Variants in AGBL4 observed in about 807,000 individuals in gnomAD.
AGBL4 encodes the protein cytosolic carboxypeptidase 6.
In AGBL4, 58 loss-of-function variants were observed where a neutral mutation model predicts 66.4. That is an observed-to-expected ratio of 0.87 (90% CI 0.71 to 1.09). AGBL4 has a LOEUF of 1.09. Ranked by LOEUF, AGBL4 falls within the 50% of genes least tolerant of loss-of-function variation. The probability of loss-of-function intolerance (pLI) is 0.00; values close to 1 mark genes in which losing one functional copy is unlikely to be tolerated. For missense variants in AGBL4, 579 were observed against 631.0 expected (o/e 0.92, Z 0.88); for synonymous variants, 234 against 222.9 (o/e 1.05, Z -0.44).
chr1:49,175,797 G>C (rs1646819796), intron 4 of AGBL4, among the ~76,000 whole-genome samples: 1 of 152,112 alleles, frequency 6.6e-6, no homozygotes, highest in Non-Finnish European at 1.5e-5. Flanking sequence ...AGGTCAAAGA[G>C]AAAGACAGAC....
At chr1:48,985,356 T>A (rs928204412) in intron 5 of AGBL4, among the ~76,000 whole-genome samples, 1 of 151,788 alleles carries the variant, frequency 6.6e-6, no homozygotes, top group Non-Finnish European at 1.5e-5. Flanking sequence ...ACAGAAAAAA[T>A]TAAAGAGCTT....
intron 5 of AGBL4, among the ~76,000 whole-genome samples, chr1:48,897,976 A>T (rs1426726689): frequency 6.6e-6 from 1 of 151,110 alleles, no homozygotes; most frequent in Non-Finnish European, 1.5e-5. Context: ...TACCCGGCTA[A>T]TTTTTTTTGT....
chr1:49,194,086 T>C (rs908779157), intron 4 of AGBL4, among the ~76,000 whole-genome samples: 4 of 152,188 alleles, frequency 2.6e-5, no homozygotes, highest in Non-Finnish European at 5.9e-5. Flanking sequence ...TCTGTCTCAA[T>C]GGTCTGTTTA....
chr1:49,128,059 C>A (rs1645802190), intron 4 of AGBL4, among the ~76,000 whole-genome samples: 1 of 151,488 alleles, frequency 6.6e-6, no homozygotes, highest in African/African-American at 2.4e-5. Flanking sequence ...ATTAAAAGAG[C>A]AATTATAATT....
intron 3 of AGBL4, among the ~76,000 whole-genome samples, chr1:49,323,448 A>AT (rs11295329): frequency 0.013 from 1,550 of 114,846 alleles, 16 homozygotes; most frequent in African/African-American, 0.036. Context: ...TGCCTGGCTA[A>AT]TTTTTTTTTT....
chr1:49,880,954 C>A (rs1037658360), intron 1 of AGBL4, among the ~76,000 whole-genome samples: 1 of 152,066 alleles, frequency 6.6e-6, no homozygotes, highest in Non-Finnish European at 1.5e-5. Context: ...TTCTTTGACT[C>A]GGAAAGGGAA....
intron 6 of AGBL4, among the ~76,000 whole-genome samples, chr1:48,738,431 C>T (rs1276374005): frequency 1.3e-5 from 2 of 152,206 alleles, no homozygotes; most frequent in Admixed American, 6.5e-5. Context: ...CTAGGCAACA[C>T]GGACACCAAG....
intron 1 of AGBL4, among the ~76,000 whole-genome samples, chr1:49,871,030 G>A (rs1646825709): frequency 6.6e-6 from 1 of 151,982 alleles, no homozygotes; most frequent in Non-Finnish European, 1.5e-5. Flanking sequence ...ACCCCACTAG[G>A]CCCAGGGACT....
intron 1 of AGBL4, among the ~76,000 whole-genome samples, chr1:49,973,953 A>G (rs1007377809): frequency 6.6e-6 from 1 of 152,026 alleles, no homozygotes; most frequent in Non-Finnish European, 1.5e-5. Flanking sequence ...CGCTAAAACA[A>G]ATGAGTAGAA....
intron 6 of AGBL4, among the ~76,000 whole-genome samples, chr1:48,819,801 G>A (rs992432452): frequency 1.3e-5 from 2 of 152,190 alleles, no homozygotes; most frequent in African/African-American, 4.8e-5. Context: ...TCTCTTTAAA[G>A]TGTTCTTGCC....
chr1:48,789,535 C>CT (rs1645494566), intron 6 of AGBL4, among the ~76,000 whole-genome samples: 3 of 152,066 alleles, frequency 2.0e-5, no homozygotes, highest in Non-Finnish European at 2.9e-5. Flanking sequence ...GTGATCCTAC[C>CT]ACCTTGGCCT....
At chr1:49,529,161 T>C (rs1001674490) in intron 3 of AGBL4, among the ~76,000 whole-genome samples, 3 of 152,086 alleles carry the variant, frequency 2.0e-5, no homozygotes, top group East Asian at 3.8e-4. Flanking sequence ...CTGAATGCAG[T>C]AATGCTGAGA....
chr1:48,879,039 T>C (rs12038240), intron 5 of AGBL4, among the ~76,000 whole-genome samples: 73,209 of 151,978 alleles, frequency 0.48, 20,835 homozygotes, highest in Non-Finnish European at 0.65. Flanking sequence ...TTTGTAAGCC[T>C]GGGACAGAAG....
intron 6 of AGBL4, among the ~76,000 whole-genome samples, chr1:48,684,851 A>G (rs1206730480): frequency 6.6e-6 from 1 of 152,360 alleles, no homozygotes; most frequent in South Asian, 2.1e-4. Flanking sequence ...GGCAGAATCA[A>G]TCTAGACTTC....
intron 5 of AGBL4, among the ~76,000 whole-genome samples, chr1:48,899,638 T>G (rs577188876): frequency 8.9e-4 from 135 of 152,162 alleles, no homozygotes; most frequent in Non-Finnish European, 1.7e-3. Context: ...TTCCTGTTCT[T>G]CTTATGCATC....
At chr1:49,653,415 T>G (rs2124456847) in intron 3 of AGBL4, among the ~76,000 whole-genome samples, 1 of 152,046 alleles carries the variant, frequency 6.6e-6, no homozygotes, top group South Asian at 2.1e-4. Context: ...CCTCTTCTCC[T>G]CCAAATGATC....
intron 1 of AGBL4, among the ~76,000 whole-genome samples, chr1:49,933,881 C>T (rs1653638520): frequency 6.6e-6 from 1 of 152,058 alleles, no homozygotes; most frequent in South Asian, 2.1e-4. Context: ...TCAGACAGGA[C>T]ACAATTAAAA....
At chr1:49,712,815 T>A (rs1328071831) in intron 2 of AGBL4, among the ~76,000 whole-genome samples, 3 of 151,960 alleles carry the variant, frequency 2.0e-5, no homozygotes, top group African/African-American at 7.2e-5. Context: ...TGAGTATGTT[T>A]CTTGTTTCTT....
chr1:48,807,875 G>T (rs1645962709), intron 6 of AGBL4, among the ~76,000 whole-genome samples: 1 of 152,098 alleles, frequency 6.6e-6, no homozygotes. Context: ...GACTGGGCTG[G>T]GCAGGGCTTT....
Sources: gnomAD v4.1 joint callset for allele counts (sites outside exome capture counted in the v4.1 genomes callset) on GRCh38, gnomAD v4.1.1 for gene constraint, MANE v1.5 for transcripts, NCBI Gene and HGNC (gene_info 2026-07-23, HGNC 2026-07-21) for gene names.